TAOK3: variants seen among roughly 807,000 people sequenced by gnomAD.
TAOK3 encodes TAO kinase 3.
TAOK3 carries 40 observed loss-of-function variants against 120.4 expected under a neutral mutation model. The ratio of observed to expected loss-of-function variants is 0.33; its 90% CI spans 0.26 to 0.43. TAOK3 has a LOEUF of 0.43. Ranked by LOEUF, TAOK3 falls within the 20% of genes least tolerant of loss-of-function variation. TAOK3 has a pLI of 1.00. For missense variants in TAOK3, 821 were observed against 1,112.1 expected (o/e 0.74, Z 3.72); for synonymous variants, 355 against 387.5 (o/e 0.92, Z 0.99).
At chr12:118,295,631 G>T (rs1249675578) in intron 1 of TAOK3, among the ~76,000 whole-genome samples, 3 of 152,120 alleles carry the variant, frequency 2.0e-5, no homozygotes, top group Non-Finnish European at 4.4e-5. Context: ...TTAGCACAAG[G>T]TTCTTGACTG....
At chr12:118,349,787 A>C (rs778296347) in intron 1 of TAOK3, among the ~76,000 whole-genome samples, 3 of 152,210 alleles carry the variant, frequency 2.0e-5, no homozygotes, top group Non-Finnish European at 4.4e-5. Flanking sequence ...AAACACAAAA[A>C]ACAGTTATTA....
chr12:118,178,076 T>C (rs1436040705), intron 15 of TAOK3, among the ~76,000 whole-genome samples: 4 of 151,930 alleles, frequency 2.6e-5, no homozygotes, highest in Non-Finnish European at 5.9e-5. Context: ...CCTCCTGAGC[T>C]GCTGGGACCA....
chr12:118,230,462 T>G (rs1276242636), intron 9 of TAOK3, among the ~76,000 whole-genome samples: 4 of 58,208 alleles, frequency 6.9e-5, no homozygotes, highest in South Asian at 7.3e-4. Context: ...TGTGAAGTGT[T>G]TTTTTTTTTT....
At chr12:118,366,243 G>A (rs184463605) in intron 1 of TAOK3, among the ~76,000 whole-genome samples, 23 of 152,186 alleles carry the variant, frequency 1.5e-4, no homozygotes, top group South Asian at 4.1e-4. Context: ...CAGCCTGAGC[G>A]AAAGAGCGAG....
At position 118,372,151 on chromosome 12, in the gene TAOK3, C is replaced by T. The variant is rs1002750282; in HGVS notation, c.-194+497G>A. Among the ~76,000 whole-genome samples the T allele has an allele frequency of 4.0e-5, 6 of 151,484 alleles. No individual in the cohort carries two copies. In the East Asian group the frequency reaches 1.2e-3, roughly 30 times the overall value. The stretch of plus-strand genomic sequence containing the variant: ...TCCTGGATTCTCTCTGGGTCCCCTC[C>T]CCTCACCTCGGGGTCTCCTCTCCCC... On this transcript the variant is annotated intron_variant, in intron 1 of 20. Coordinates refer to ENST00000392533, the MANE Select transcript of TAOK3 (RefSeq NM_016281.4). This position sits in a 1 kb window ranked among gnomAD's most constrained non-coding sequence, Gnocchi z 4.6.
intron 2 of TAOK3, among the ~76,000 whole-genome samples, chr12:118,262,150 T>C (rs564861881): frequency 2.0e-5 from 3 of 152,044 alleles, no homozygotes; most frequent in Non-Finnish European, 2.9e-5. Flanking sequence ...TGTGAGCCAC[T>C]GTGCCTGGCC....
intron 9 of TAOK3, among the ~76,000 whole-genome samples, chr12:118,227,914 T>C (rs1760627352): frequency 6.6e-6 from 1 of 152,172 alleles, no homozygotes; most frequent in Admixed American, 6.5e-5. Context: ...TATATTTACT[T>C]CTAATTTTTG....
chr12:118,349,540 T>A (rs2045040897), intron 1 of TAOK3, among the ~76,000 whole-genome samples: 1 of 152,096 alleles, frequency 6.6e-6, no homozygotes, highest in African/African-American at 2.4e-5. Flanking sequence ...TTATACAAAA[T>A]GTCCAGAGTA....
intron 1 of TAOK3, among the ~76,000 whole-genome samples, chr12:118,287,379 A>G (rs933633262): frequency 4.6e-5 from 7 of 152,060 alleles, no homozygotes; most frequent in Non-Finnish European, 5.9e-5. Context: ...TCAGCCTCCA[A>G]GTAGCTGGGA....
rs189076172 is a variant in TAOK3 at position 118,351,065 on chromosome 12, G to A, written c.-194+21583C>T. On this transcript the variant is annotated intron_variant, in intron 1 of 20. Transcript: ENST00000392533. ...GTGGTGGTGCATGCCTGTAATCCCA[G>A]CTACTTGGGAGGCTGAGGCACGAGA... 3.6e-3 allele frequency among the ~76,000 whole-genome samples: 548 copies of A among 152,194 alleles called. 1 individual carries two copies. The highest frequency in any genetic ancestry group is 0.012 in the African/African-American group (506 of 41,524).
intron 1 of TAOK3, among the ~76,000 whole-genome samples, chr12:118,352,229 G>T (rs2045202466): frequency 6.6e-6 from 1 of 151,874 alleles, no homozygotes; most frequent in Non-Finnish European, 1.5e-5. Flanking sequence ...TCTCTCCAAC[G>T]GCAGCTGGCT....
chr12:118,348,892 G>T (rs1333299212), intron 1 of TAOK3, among the ~76,000 whole-genome samples: 1 of 140,910 alleles, frequency 7.1e-6, no homozygotes, highest in Non-Finnish European at 1.5e-5. Context: ...CTTGTTGCCC[G>T]GGTCTCACTC....
At chr12:118,280,672 C>T (rs2042069683) in intron 1 of TAOK3, among the ~76,000 whole-genome samples, 1 of 152,156 alleles carries the variant, frequency 6.6e-6, no homozygotes, top group Non-Finnish European at 1.5e-5. Flanking sequence ...ATTACTTTGG[C>T]TTTTCAAGGT....
At chr12:118,325,456 G>T (rs551180886) in intron 1 of TAOK3, among the ~76,000 whole-genome samples, 1 of 152,236 alleles carries the variant, frequency 6.6e-6, no homozygotes, top group African/African-American at 2.4e-5. Context: ...GTTTTGATCT[G>T]CATTTCTCTG....
At chr12:118,184,270 T>C (rs2036943398) in intron 14 of TAOK3, among the ~76,000 whole-genome samples, 1 of 152,208 alleles carries the variant, frequency 6.6e-6, no homozygotes, top group Admixed American at 6.5e-5. Flanking sequence ...AGCTTTATAA[T>C]TCCATGCTCA....
At chr12:118,292,800 G>A (rs1013112194) in intron 1 of TAOK3, among the ~76,000 whole-genome samples, 2 of 152,192 alleles carry the variant, frequency 1.3e-5, no homozygotes, top group African/African-American at 2.4e-5. Flanking sequence ...AAAAGGCAAC[G>A]TCATCATTGG....
chr12:118,273,417 G>A (rs923288920), intron 1 of TAOK3, among the ~76,000 whole-genome samples: 2 of 152,136 alleles, frequency 1.3e-5, no homozygotes, highest in African/African-American at 2.4e-5. Context: ...CAGGAGAATC[G>A]CTTGAACCAA....
intron 8 of TAOK3, among the ~76,000 whole-genome samples, chr12:118,234,196 T>C: frequency 6.8e-6 from 1 of 147,520 alleles, no homozygotes; most frequent in Non-Finnish European, 1.5e-5. Context: ...TTTAAAGTAA[T>C]TAAATAAAGC....
intron 16 of TAOK3, among the ~76,000 whole-genome samples, chr12:118,175,717 A>T (rs1213651552): frequency 6.6e-6 from 1 of 152,230 alleles, no homozygotes; most frequent in Admixed American, 6.5e-5. Context: ...TTAAACCTTA[A>T]TACACTTAGT....
Sources: allele counts gnomAD v4.1 joint callset (sites outside exome capture counted in the v4.1 genomes callset), GRCh38; gene constraint gnomAD v4.1.1; non-coding constraint Gnocchi (gnomAD v3.1); transcripts MANE v1.5; gene names NCBI Gene and HGNC (gene_info 2026-07-23, HGNC 2026-07-21).